The following LTF variants were observed in gnomAD, a reference collection of about 807,000 sequenced individuals.
LTF encodes epididymis luminal protein 110.
A neutral mutation model predicts 87.2 loss-of-function variants in LTF; 91 were observed. That is an observed-to-expected ratio of 1.04 (90% confidence interval 0.88 to 1.24). The LOEUF is 1.24. Among genes scored for constraint, LTF ranks in the 50% most tolerant of loss-of-function variants. The pLI, the probability that LTF is intolerant of heterozygous loss-of-function variation, is 0.00. For missense variants in LTF, 901 were observed against 904.3 expected (o/e 1.00, Z 0.05); for synonymous variants, 378 against 356.1 (o/e 1.06, Z -0.69).
chr3:46,447,261 T>A, intron 10 of LTF, 47 bp downstream of exon 10: 1 of 1,418,476 alleles, frequency 7.0e-7, no homozygotes, highest in African/African-American at 1.4e-5. Flanking sequence ...ATAGCCCCAC[T>A]CCCATGACCC....
chr3:46,476,348 G>A (rs1703359587), intron 1 of LTF, among the ~76,000 whole-genome samples: 1 of 152,142 alleles, frequency 6.6e-6, no homozygotes, highest in South Asian at 2.1e-4. Flanking sequence ...AGAAACTTTT[G>A]TAGATTAAGG....
intron 1 of LTF, among the ~76,000 whole-genome samples, chr3:46,475,292 A>T (rs902627761): frequency 6.6e-6 from 1 of 152,202 alleles, no homozygotes; most frequent in African/African-American, 2.4e-5. Flanking sequence ...TCAAAAAAGA[A>T]ATCTTCAGAC....
chr3:46,449,758 T>C (rs1702752558), intron 8 of LTF, 96 bp downstream of exon 8: 1 of 1,310,600 alleles, frequency 7.6e-7, no homozygotes, highest in Non-Finnish European at 1.1e-6. Context: ...CCCCACAGTG[T>C]CTGGGAAAAG....
At chr3:46,482,669 A>C (rs1195420639) in intron 1 of LTF, among the ~76,000 whole-genome samples, 1 of 105,696 alleles carries the variant, frequency 9.5e-6, no homozygotes, top group Non-Finnish European at 2.0e-5. Context: ...AGAAGGAAGG[A>C]AGGAAGGAAG....
chr3:46,485,135 A>T, exon 1 of LTF: 1 of 152,738 alleles, frequency 6.5e-6, no homozygotes, highest in Non-Finnish European at 1.5e-5. Context: ...AGCCTGAGGC[A>T]GGTGGCTGGC....
At chr3:46,465,158 G>A (rs1703184478), upstream of LTF, 1 of 493,014 alleles carries the variant, frequency 2.0e-6, no homozygotes, top group African/African-American at 2.0e-5. Flanking sequence ...CAAGCCCCTA[G>A]GAGTCGCAGC....
chr3:46,435,975 A>G lies in LTF; in HGVS notation c.*220T>C, dbSNP rs1702376079. On this transcript the variant is annotated 3_prime_UTR_variant, in exon 17 of 17. Transcript: ENST00000231751. ...TTTGTCAGGCATGTGATTTCAGTAT[A>G]AAATTCTAGAAAAGATGAGTGACAC... 1 of 577,372 alleles carries G rather than the reference A, an allele frequency of 1.7e-6. No individual in the cohort carries two copies. The highest frequency in any genetic ancestry group is 1.9e-5 in the African/African-American group (1 of 53,184). The allele number at this position is 577,372 out of a possible 1,614,324, so 35.8% of individuals were successfully genotyped here.
In LTF at chr3:46,450,559, G is replaced by T. The variant is rs1432870400; in HGVS notation, c.818C>A (p.Ala273Asp). The change falls in exon 7 of 17, where the codon GCC (alanine) becomes GAC (aspartate). Residue 273 changes from alanine to aspartate, a missense_variant. Ala to Asp is a moderately radical substitution (Grantham distance 126). Coordinates refer to ENST00000231751, the MANE Select transcript of LTF (RefSeq NM_002343.6). ...GCCATTCACACTTCGTGCCACAACG[G>T]CATGAGAAGGGACCCGGGCCAGATG... is the stretch of plus-strand genomic sequence containing the variant. ...DCHLARVPSH[A>D]VVARSVNGKE... 6.2e-7 allele frequency: 1 copy of T among 1,614,130 alleles called. No individual in the cohort carries two copies. Among genetic ancestry groups the T allele is most frequent in the Non-Finnish European group, 8.5e-7 (1 of 1,180,034 alleles).
In LTF at chr3:46,456,300, C is replaced by A; in HGVS notation, c.306G>T (p.Gly102=). Reference sequence around the variant, plus strand: ...CCAGGCAGAACTCACGTCTTTCGGTCCCGTAGACTTCCGCCGCTACAGGTC... The same window carrying A: ...CCAGGCAGAACTCACGTCTTTCGGTACCGTAGACTTCCGCCGCTACAGGTC... ...KLRPVAAEVY[G]TERQPRTHYY... Residue 102 remains glycine, a synonymous_variant, in exon 3 of 17, where the codon GGG becomes GGT. Coordinates refer to ENST00000231751, the MANE Select transcript of LTF (RefSeq NM_002343.6). 2 of 1,614,032 alleles carry A rather than the reference C, an allele frequency of 1.2e-6. No homozygotes were observed. Among genetic ancestry groups the A allele is most frequent in the Non-Finnish European group, 8.5e-7 (1 of 1,179,928 alleles).
Position 46,450,459 on chromosome 3 carries a change from A to G in LTF, c.882+36T>C. 4 of 1,576,546 alleles carry G rather than the reference A, an allele frequency of 2.5e-6. No individual in the cohort carries two copies. The South Asian group carries it at 4.6e-5, about 18-fold the overall frequency. ...AGAAACCTTGCTCCCTGCCCCCCATATCCAAGCAAGTGGGGAGGACCGTGG... is the reference window on the plus strand; with the variant it reads ...AGAAACCTTGCTCCCTGCCCCCCATGTCCAAGCAAGTGGGGAGGACCGTGG... On this transcript the variant is annotated intron_variant, in intron 7 of 16. Coordinates refer to ENST00000231751, the MANE Select transcript of LTF (RefSeq NM_002343.6).
chr3:46,472,953 A>G (rs1344283690), intron 1 of LTF, among the ~76,000 whole-genome samples: 2 of 151,968 alleles, frequency 1.3e-5, no homozygotes, highest in African/African-American at 4.8e-5. Context: ...CCATGTCTCT[A>G]GGTCAATACA....
At chr3:46,479,468 G>A (rs1365206805) in intron 1 of LTF, among the ~76,000 whole-genome samples, 1 of 152,206 alleles carries the variant, frequency 6.6e-6, no homozygotes, top group Non-Finnish European at 1.5e-5. Context: ...TGATTAGGGA[G>A]GCTCCAGCAG....
chr3:46,443,497 C>T lies in LTF; in HGVS notation c.1599G>A (p.Glu533=). The T allele has an allele frequency of 6.2e-7, 1 of 1,614,202 alleles. No individual in the cohort carries two copies. Among genetic ancestry groups the T allele is most frequent in the African/African-American group, 1.3e-5 (1 of 75,036 alleles). Residue 533 remains glutamate, a synonymous_variant, in exon 13 of 17, where the codon GAG becomes GAA. Transcript: ENST00000231751. Reference sequence around the variant, plus strand: ...CGTTGCTGTTGGGCACGCACTTATTCTCACCCTGCTCGTCGCCAATACACA... The same window carrying T: ...CGTTGCTGTTGGGCACGCACTTATTTTCACCCTGCTCGTCGCCAATACACA... ...CALCIGDEQG[E]NKCVPNSNER...
rs376093700 is a variant in LTF, at chr3:46,463,508, C to T, written c.43+1317G>A. 8.1e-6 allele frequency: 8 copies of T among 985,580 alleles called. No individual in the cohort carries two copies. In the African/African-American group the frequency reaches 1.0e-4, roughly 13 times the overall value. 61.1% of individuals were successfully genotyped at this position (985,580 alleles called of 1,614,324 possible). ...AGGAATTCCACAGGGCAACTGCCAC[C>T]CTTTCCTCAGGAAGGACAAGGGTTG... On this transcript the variant is annotated intron_variant, in intron 1 of 16. Coordinates refer to ENST00000231751, the MANE Select transcript of LTF (RefSeq NM_002343.6).
At chr3:46,450,161 G>A (rs1212978322) in intron 7 of LTF, 133 bp from the exon 8 acceptor site, 2 of 734,434 alleles carry the variant, frequency 2.7e-6, no homozygotes, top group African/African-American at 3.6e-5. Flanking sequence ...AGACCCTCCT[G>A]CAGAGGGACT....
chr3:46,446,295 A>AT, intron 11 of LTF, 145 bp downstream of exon 11: 2 of 435,668 alleles, frequency 4.6e-6, no homozygotes, highest in Non-Finnish European at 8.1e-6. Flanking sequence ...TCTGTGAATT[A>AT]TTTGCACCCT....
chr3:46,451,654 G>A (rs1202381942), intron 6 of LTF, among the ~76,000 whole-genome samples: 1 of 152,180 alleles, frequency 6.6e-6, no homozygotes, highest in Non-Finnish European at 1.5e-5. Context: ...GAATGCAGTG[G>A]TGCGATCTCA....
intron 1 of LTF, among the ~76,000 whole-genome samples, chr3:46,471,035 C>T (rs1317830450): frequency 1.3e-5 from 2 of 152,198 alleles, no homozygotes; most frequent in Non-Finnish European, 2.9e-5. Context: ...CCAGCAGTTC[C>T]TGGTCAGTGA....
At chr3:46,476,630 C>A (rs563102485) in intron 1 of LTF, among the ~76,000 whole-genome samples, 257 of 152,210 alleles carry the variant, frequency 1.7e-3, no homozygotes, top group Non-Finnish European at 2.8e-3. Flanking sequence ...AATTTGAACA[C>A]CTCGCTAAAA....
Sources: allele counts gnomAD v4.1 joint callset (sites outside exome capture counted in the v4.1 genomes callset), GRCh38; gene constraint gnomAD v4.1.1; transcripts MANE v1.5; gene names NCBI Gene and HGNC (gene_info 2026-07-23, HGNC 2026-07-21).